Variants in TBC1D5 observed in about 807,000 individuals in gnomAD.
TBC1D5 encodes the protein TBC1 domain family member 5, also known as TBC1 domain family, member 5.
A neutral mutation model predicts 100.3 loss-of-function variants in TBC1D5; 75 were observed. The ratio of observed to expected loss-of-function variants is 0.75; its 90% CI spans 0.62 to 0.91. The LOEUF is 0.91. Ranked by LOEUF, TBC1D5 falls within the 40% of genes least tolerant of loss-of-function variation. The pLI is 0.00. For synonymous variants in TBC1D5, 323 were observed against 325.6 expected, an observed-to-expected ratio of 0.99 and a Z score of 0.09; for missense variants, 910 against 942.4, an observed-to-expected ratio of 0.97 and a Z score of 0.45.
intron 2 of TBC1D5, among the ~76,000 whole-genome samples, chr3:17,512,734 A>G (rs949765459): frequency 3.9e-5 from 6 of 152,182 alleles, no homozygotes; most frequent in Non-Finnish European, 7.3e-5. Context: ...TCCTATTCAC[A>G]TGAGTTTAAA....
intron 19 of TBC1D5, among the ~76,000 whole-genome samples, chr3:17,171,949 G>A (rs1372480899): frequency 6.6e-6 from 1 of 152,152 alleles, no homozygotes; most frequent in African/African-American, 2.4e-5. Flanking sequence ...CAGAGTGGGT[G>A]CACCCAAGAA....
intron 3 of TBC1D5, among the ~76,000 whole-genome samples, chr3:17,479,722 T>C (rs2095478909): frequency 6.6e-6 from 1 of 152,138 alleles, no homozygotes; most frequent in East Asian, 1.9e-4. Flanking sequence ...CCTGTAGTCC[T>C]AGCTACTCAG....
intron 2 of TBC1D5, among the ~76,000 whole-genome samples, chr3:17,606,383 G>A (rs573426574): frequency 1.4e-4 from 21 of 152,164 alleles, no homozygotes; most frequent in Non-Finnish European, 2.6e-4. Context: ...CCAGGAATGC[G>A]AGGCTGCAGT....
At chr3:17,251,664 G>A (rs2077196581) in intron 16 of TBC1D5, among the ~76,000 whole-genome samples, 1 of 152,146 alleles carries the variant, frequency 6.6e-6, no homozygotes, top group African/African-American at 2.4e-5. Flanking sequence ...CTATAATTAA[G>A]TCTTTAAAAG....
At chr3:17,355,982 T>C (rs1160087019) in intron 13 of TBC1D5, among the ~76,000 whole-genome samples, 3 of 152,128 alleles carry the variant, frequency 2.0e-5, no homozygotes, top group African/African-American at 7.2e-5. Flanking sequence ...TTAAAATAAA[T>C]GTGTAACTTG....
chr3:17,474,580 ATAAT>A (rs772383254), intron 3 of TBC1D5, among the ~76,000 whole-genome samples: 2 of 152,174 alleles, frequency 1.3e-5, no homozygotes, highest in East Asian at 3.8e-4. Context: ...AAACATGAAA[ATAAT>A]AAAGAACGAC....
intron 14 of TBC1D5, among the ~76,000 whole-genome samples, chr3:17,303,872 A>C: frequency 8.8e-6 from 1 of 113,584 alleles, no homozygotes; most frequent in African/African-American, 3.5e-5. Context: ...GAGGCCAGGT[A>C]CCACTTCCCA....
At chr3:17,384,322 T>C (rs747876005) in intron 8 of TBC1D5, among the ~76,000 whole-genome samples, 8 of 151,900 alleles carry the variant, frequency 5.3e-5, no homozygotes, top group Non-Finnish European at 1.0e-4. Flanking sequence ...AGATGGGGAG[T>C]TGCTTTGTTT....
intron 1 of TBC1D5, among the ~76,000 whole-genome samples, chr3:17,711,313 T>C (rs1002112507): frequency 6.6e-6 from 1 of 152,218 alleles, no homozygotes; most frequent in Non-Finnish European, 1.5e-5. Flanking sequence ...AAGTACTTGA[T>C]ACATGCAAAA....
intron 2 of TBC1D5, among the ~76,000 whole-genome samples, chr3:17,551,154 G>C (rs1174842772): frequency 6.6e-6 from 1 of 152,010 alleles, no homozygotes; most frequent in African/African-American, 2.4e-5. Flanking sequence ...CTACACCATT[G>C]CTTTGCAGAC....
exon 22 of TBC1D5, chr3:17,160,864 C>A (rs1466389832): frequency 2.6e-5 from 36 of 1,410,530 alleles, no homozygotes; most frequent in Non-Finnish European, 3.3e-5. Context: ...GGGAAGGAAG[C>A]AGTGGTTTAA....
intron 18 of TBC1D5, among the ~76,000 whole-genome samples, chr3:17,193,003 T>A (rs2070158308): frequency 6.6e-6 from 1 of 152,260 alleles, no homozygotes; most frequent in South Asian, 2.1e-4. Context: ...CACTAAAACC[T>A]AAACTCCACA....
chr3:17,167,348 A>C (rs1260921968), intron 20 of TBC1D5, among the ~76,000 whole-genome samples: 1 of 152,174 alleles, frequency 6.6e-6, no homozygotes, highest in African/African-American at 2.4e-5. Context: ...TCTCATTTAG[A>C]TCTTCAAGGC....
intron 1 of TBC1D5, among the ~76,000 whole-genome samples, chr3:17,710,563 T>A (rs1210956807): frequency 1.3e-5 from 2 of 151,376 alleles, no homozygotes. Context: ...AAACTCCATC[T>A]CAATAAATAA....
At chr3:17,188,835 G>A (rs899491637) in intron 18 of TBC1D5, among the ~76,000 whole-genome samples, 1 of 152,202 alleles carries the variant, frequency 6.6e-6, no homozygotes, top group Non-Finnish European at 1.5e-5. Context: ...CTGGTCCTCT[G>A]TAATAAAAAT....
At chr3:17,463,097 C>T (rs1417386395) in intron 3 of TBC1D5, among the ~76,000 whole-genome samples, 3 of 152,270 alleles carry the variant, frequency 2.0e-5, no homozygotes, top group South Asian at 2.1e-4. Context: ...TGTTAAAAAA[C>T]CTCCTTCCAT....
At chr3:17,224,244 C>T (rs997603011) in intron 17 of TBC1D5, among the ~76,000 whole-genome samples, 13 of 152,160 alleles carry the variant, frequency 8.5e-5, no homozygotes, top group African/African-American at 3.1e-4. Flanking sequence ...AGCACAGTGC[C>T]TGCACATTGT....
intron 13 of TBC1D5, among the ~76,000 whole-genome samples, chr3:17,335,601 T>C (rs1251241084): frequency 2.6e-5 from 4 of 152,186 alleles, no homozygotes; most frequent in East Asian, 3.8e-4. Context: ...GTACACTTAA[T>C]CTGCTTTAAA....
intron 2 of TBC1D5, among the ~76,000 whole-genome samples, chr3:17,583,317 GTAAGAAATATATAA>G (rs1264455844): frequency 1.3e-5 from 2 of 151,772 alleles, no homozygotes; most frequent in Non-Finnish European, 2.9e-5. Context: ...ACTTAAATAT[GTAAGAAATATATAA>G]TCATTTTTCT....
Sources: allele counts gnomAD v4.1 joint callset (sites outside exome capture counted in the v4.1 genomes callset), GRCh38; gene constraint gnomAD v4.1.1; transcripts MANE v1.5; gene names NCBI Gene and HGNC (gene_info 2026-07-23, HGNC 2026-07-21).